The following CERS6 variants were observed in gnomAD, a reference collection of about 807,000 sequenced individuals.
CERS6 encodes ceramide synthase 6, also known as LAG1 homolog, ceramide synthase 6.
A neutral mutation model predicts 56.8 loss-of-function variants in CERS6; 26 were observed. That is an observed-to-expected ratio of 0.46 (90% CI 0.34 to 0.63). The LOEUF (loss-of-function observed/expected upper bound fraction) is 0.63. Ranked by LOEUF, CERS6 falls within the 30% of genes least tolerant of loss-of-function variation. CERS6 has a pLI of 0.01. For missense variants in CERS6, 415 were observed against 467.5 expected (o/e 0.89, Z 1.04); for synonymous variants, 164 against 173.3 (o/e 0.95, Z 0.42).
At chr2:168,690,894 G>C in intron 4 of CERS6, 140 bp from the exon 5 acceptor site, 1 of 689,922 alleles carries the variant, frequency 1.4e-6, no homozygotes, top group Non-Finnish European at 2.5e-6. Context: ...CCTATGCCTA[G>C]CTGTTTTAAA....
At chr2:168,523,389 A>G (rs1195742819) in intron 1 of CERS6, among the ~76,000 whole-genome samples, 1 of 152,166 alleles carries the variant, frequency 6.6e-6, no homozygotes, top group Non-Finnish European at 1.5e-5. Flanking sequence ...GAGAAAACAG[A>G]TATTTAGAGA....
intron 1 of CERS6, among the ~76,000 whole-genome samples, chr2:168,526,572 T>C (rs1558984355): frequency 6.6e-6 from 1 of 152,238 alleles, no homozygotes; most frequent in Non-Finnish European, 1.5e-5. Flanking sequence ...CCAGGTGATA[T>C]AACTGTATTA....
At position 168,507,168 on chromosome 2, in the gene CERS6, T is replaced by C. The variant is rs528043023; in HGVS notation, c.171-40428T>C. On this transcript the variant is annotated intron_variant, in intron 1 of 9. Coordinates refer to ENST00000305747, the MANE Select transcript of CERS6 (RefSeq NM_203463.3). ...ATGCTTTTTTCCCTAAACAAAGATA[T>C]TCTTCTATATAACCAGTATATACAA... Among the ~76,000 whole-genome samples the C allele has an allele frequency of 6.6e-5, 10 of 152,326 alleles. No individual in the cohort carries two copies. The South Asian group carries it at 1.2e-3, about 19-fold the overall frequency.
chr2:168,480,675 T>C (rs139986080), intron 1 of CERS6, among the ~76,000 whole-genome samples: 33 of 152,326 alleles, frequency 2.2e-4, no homozygotes, highest in African/African-American at 7.9e-4. Flanking sequence ...CAGCCTAGTG[T>C]AGGAAAAAGA....
At chr2:168,505,382 C>CAAAA (rs370477008) in intron 1 of CERS6, among the ~76,000 whole-genome samples, 8 of 96,360 alleles carry the variant, frequency 8.3e-5, no homozygotes, top group East Asian at 2.8e-4. Context: ...ACCCTGTTTC[C>CAAAA]AAAAAAAAAA....
chr2:168,607,076 A>G (rs571175982), intron 3 of CERS6, among the ~76,000 whole-genome samples: 46 of 152,198 alleles, frequency 3.0e-4, no homozygotes, highest in African/African-American at 9.6e-4. Context: ...CTTTATAGCA[A>G]TGCAAGAATG....
chr2:168,619,038 A>C (rs1471876018), intron 3 of CERS6, among the ~76,000 whole-genome samples: 1 of 152,248 alleles, frequency 6.6e-6, no homozygotes, highest in Non-Finnish European at 1.5e-5. Context: ...GGAACAGAAC[A>C]GAGAACCAGA....
At chr2:168,627,744 T>G (rs935707445) in intron 3 of CERS6, among the ~76,000 whole-genome samples, 1 of 152,128 alleles carries the variant, frequency 6.6e-6, no homozygotes, top group African/African-American at 2.4e-5. Flanking sequence ...TTCACATTTT[T>G]TTTAGTCTTT....
At chr2:168,624,743 T>C (rs1230022274) in intron 3 of CERS6, among the ~76,000 whole-genome samples, 2 of 152,138 alleles carry the variant, frequency 1.3e-5, no homozygotes, top group African/African-American at 4.8e-5. Context: ...TACGGAAACC[T>C]CATTGGAAGG....
In CERS6 at chr2:168,645,116, A is replaced by AATAT. The variant is rs1553503151; in HGVS notation, c.465+14098_465+14101dup. ...AAAAAAAAAAAAAAAAAAAAAAAAA[A>AATAT]ATATATATATATATATATATATATA... On this transcript the variant is annotated intron_variant, in intron 4 of 9. Transcript: ENST00000305747. Among the ~76,000 whole-genome samples, 5 of 19,032 alleles carry AATAT rather than the reference A, an allele frequency of 2.6e-4. 1 individual carries two copies. Among genetic ancestry groups the AATAT allele is most frequent in the Middle Eastern group, 0.023 (1 of 44 alleles). 12.5% of individuals were successfully genotyped at this position (19,032 alleles called of 152,430 possible).
chr2:168,565,541 A>G (rs752449262), intron 3 of CERS6, among the ~76,000 whole-genome samples: 1 of 152,166 alleles, frequency 6.6e-6, no homozygotes, highest in African/African-American at 2.4e-5. Context: ...ATAAGTTCCT[A>G]TTTTTCAAAA....
chr2:168,633,250 T>C (rs895739444), intron 4 of CERS6, among the ~76,000 whole-genome samples: 14 of 152,108 alleles, frequency 9.2e-5, no homozygotes, highest in Non-Finnish European at 1.6e-4. Flanking sequence ...GGAATTTCTT[T>C]CTTTAATTCC....
At chr2:168,541,530 C>CA (rs1695370018) in intron 1 of CERS6, among the ~76,000 whole-genome samples, 1 of 151,150 alleles carries the variant, frequency 6.6e-6, no homozygotes, top group Middle Eastern at 3.4e-3. Flanking sequence ...TTTTCCTTTG[C>CA]ATGTCTTTTC....
At chr2:168,500,491 G>C (rs1240781747) in intron 1 of CERS6, among the ~76,000 whole-genome samples, 1 of 152,140 alleles carries the variant, frequency 6.6e-6, no homozygotes, top group Non-Finnish European at 1.5e-5. Flanking sequence ...GAAGCCTGTG[G>C]ACATATCCAA....
intron 3 of CERS6, among the ~76,000 whole-genome samples, chr2:168,584,732 A>G (rs1266846867): frequency 1.3e-5 from 2 of 152,240 alleles, no homozygotes; most frequent in Non-Finnish European, 2.9e-5. Flanking sequence ...CTCATTGGCA[A>G]CTTGATATGG....
At chr2:168,526,627 G>A (rs13422496) in intron 1 of CERS6, among the ~76,000 whole-genome samples, 9,073 of 152,294 alleles carry the variant, frequency 0.06, 388 homozygotes, top group Non-Finnish European at 0.09. Context: ...ATATCTCACA[G>A]CTAGTAAGTG....
intron 3 of CERS6, among the ~76,000 whole-genome samples, chr2:168,597,251 T>C (rs1264673426): frequency 6.6e-6 from 1 of 152,174 alleles, no homozygotes; most frequent in Non-Finnish European, 1.5e-5. Context: ...AGAGCATTAT[T>C]TATTATATAA....
intron 8 of CERS6, among the ~76,000 whole-genome samples, chr2:168,759,545 A>G (rs1684508976): frequency 6.6e-6 from 1 of 152,210 alleles, no homozygotes; most frequent in Admixed American, 6.5e-5. Flanking sequence ...CTTAGAAGCC[A>G]TAGGTTGAAT....
At chr2:168,564,240 C>T (rs907155244) in intron 3 of CERS6, among the ~76,000 whole-genome samples, 1 of 152,198 alleles carries the variant, frequency 6.6e-6, no homozygotes, top group Non-Finnish European at 1.5e-5. Context: ...CGGGCTCCAA[C>T]TGGCAGTTCT....
Sources: allele counts gnomAD v4.1 joint callset (sites outside exome capture counted in the v4.1 genomes callset), GRCh38; gene constraint gnomAD v4.1.1; transcripts MANE v1.5; gene names NCBI Gene and HGNC (gene_info 2026-07-23, HGNC 2026-07-21).